Variants in SLK observed in about 807,000 individuals in gnomAD.
The protein encoded by SLK is STE20 like kinase.
In SLK, 67 loss-of-function variants were observed where a neutral mutation model predicts 147.7. That is an observed-to-expected ratio of 0.45 (90% CI 0.37 to 0.56). The LOEUF (loss-of-function observed/expected upper bound fraction) is 0.56. Among genes scored for constraint, SLK ranks in the 20% least tolerant of loss-of-function variants. SLK has a pLI of 0.00. For synonymous variants in SLK, 441 were observed against 475.0 expected (o/e 0.93, Z 0.93); for missense variants, 1,136 against 1,438.8 (o/e 0.79, Z 3.41).
At chr10:103,981,621 T>C (rs1843943389) in intron 1 of SLK, among the ~76,000 whole-genome samples, 8 of 152,090 alleles carry the variant, frequency 5.3e-5, no homozygotes, top group Admixed American at 5.2e-4. Flanking sequence ...TCTCATTGAC[T>C]GGTCTTGGAA....
intron 13 of SLK, among the ~76,000 whole-genome samples, chr10:104,015,042 GT>G (rs1844444925): frequency 6.6e-6 from 1 of 151,988 alleles, no homozygotes; most frequent in Admixed American, 6.6e-5. Context: ...TAGTGAATGT[GT>G]AATAACATTA....
chr10:103,985,038 G>A (rs1843994557), intron 1 of SLK, among the ~76,000 whole-genome samples: 1 of 152,114 alleles, frequency 6.6e-6, no homozygotes, highest in South Asian at 2.1e-4. Context: ...CTGAAAATAG[G>A]TGAGTACAGT....
At chr10:103,987,968 A>C (rs1223678012) in intron 1 of SLK, among the ~76,000 whole-genome samples, 1 of 152,208 alleles carries the variant, frequency 6.6e-6, no homozygotes, top group Non-Finnish European at 1.5e-5. Context: ...AAAAGCATAG[A>C]CATTTAATAT....
At chr10:104,008,893 A>G (rs1033699104) in intron 12 of SLK, among the ~76,000 whole-genome samples, 10 of 152,228 alleles carry the variant, frequency 6.6e-5, no homozygotes, top group African/African-American at 2.4e-4. Context: ...ACAAAAGCTG[A>G]ATAACCTGAA....
At chr10:103,987,571 A>G (rs1364859735) in intron 1 of SLK, among the ~76,000 whole-genome samples, 1 of 152,196 alleles carries the variant, frequency 6.6e-6, no homozygotes. Flanking sequence ...ACATTTATTT[A>G]TTGAAACATT....
chr10:104,025,481 G>A, intron 18 of SLK, 93 bp from the exon 19 acceptor site: 1 of 1,221,052 alleles, frequency 8.2e-7, no homozygotes, highest in Admixed American at 2.1e-5. Context: ...TACAAAGAAA[G>A]TGTTTTGGAC....
intron 18 of SLK, among the ~76,000 whole-genome samples, chr10:104,023,429 C>G (rs996588868): frequency 6.6e-6 from 1 of 152,210 alleles, no homozygotes; most frequent in Non-Finnish European, 1.5e-5. Context: ...TTAATTTTCT[C>G]ACTTACCATT....
chr10:103,992,697 G>C, intron 3 of SLK, 51 bp downstream of exon 3: 1 of 1,491,660 alleles, frequency 6.7e-7, no homozygotes, highest in East Asian at 2.3e-5. Flanking sequence ...TACTTGATAA[G>C]ATGAAAGAAT....
chr10:103,985,855 G>A (rs914570737), intron 1 of SLK, among the ~76,000 whole-genome samples: 1 of 152,188 alleles, frequency 6.6e-6, no homozygotes, highest in African/African-American at 2.4e-5. Flanking sequence ...ATATGAGGGT[G>A]TAATTTTTTT....
chr10:103,997,841 A>G (rs1042264843), intron 4 of SLK, among the ~76,000 whole-genome samples: 1 of 151,692 alleles, frequency 6.6e-6, no homozygotes, highest in African/African-American at 2.4e-5. Context: ...GTTTTGATCA[A>G]TTTTGGGGGC....
intron 4 of SLK, among the ~76,000 whole-genome samples, chr10:103,996,121 G>A (rs1444428826): frequency 6.6e-6 from 1 of 152,046 alleles, no homozygotes; most frequent in Non-Finnish European, 1.5e-5. Context: ...CCTCTGAAAG[G>A]GCTCTCTGAA....
intron 6 of SLK, 126 bp from the exon 7 acceptor site, chr10:103,999,741 G>A: frequency 2.0e-6 from 1 of 504,216 alleles, no homozygotes; most frequent in South Asian, 3.8e-5. Flanking sequence ...TCATTAACTA[G>A]TTATTTAAAT....
At chr10:103,999,734 TTAAC>T (rs924255563) in intron 6 of SLK, 129 bp from the exon 7 acceptor site, 11 of 506,694 alleles carry the variant, frequency 2.2e-5, no homozygotes, top group African/African-American at 7.9e-5. Context: ...AATAGTCTCA[TTAAC>T]TAGTTATTTA....
At chr10:103,983,557 G>A (rs1843973470) in intron 1 of SLK, among the ~76,000 whole-genome samples, 1 of 152,088 alleles carries the variant, frequency 6.6e-6, no homozygotes, top group African/African-American at 2.4e-5. Flanking sequence ...AAAAGTATAG[G>A]GCACTAGAGG....
intron 13 of SLK, among the ~76,000 whole-genome samples, chr10:104,011,809 C>T (rs574604605): frequency 6.6e-6 from 1 of 152,326 alleles, no homozygotes; most frequent in African/African-American, 2.4e-5. Flanking sequence ...ATCTGCCCGC[C>T]TCAGCCTCCC....
chr10:103,994,369 A>G (rs577856997), intron 4 of SLK, among the ~76,000 whole-genome samples: 1 of 152,132 alleles, frequency 6.6e-6, no homozygotes, highest in Middle Eastern at 3.4e-3. Flanking sequence ...CCTGACTTTT[A>G]TATTATTTCC....
chr10:103,990,301 G>A (rs540266381), intron 1 of SLK, among the ~76,000 whole-genome samples: 33 of 152,316 alleles, frequency 2.2e-4, no homozygotes, highest in Middle Eastern at 3.4e-3. Flanking sequence ...ATAGATGCAA[G>A]AGCAAACTGT....
chr10:103,993,780 T>TAGA (rs2134477026), intron 4 of SLK, among the ~76,000 whole-genome samples: 1 of 152,342 alleles, frequency 6.6e-6, no homozygotes, highest in South Asian at 2.1e-4. Flanking sequence ...AATTTGTATA[T>TAGA]TTTGGAAGGC....
chr10:104,008,044 T>C (rs895446041), intron 11 of SLK, 133 bp from the exon 12 acceptor site: 3 of 604,658 alleles, frequency 5.0e-6, no homozygotes, highest in African/African-American at 3.8e-5. Context: ...CATTTGACTT[T>C]TTCAGTATTG....
Sources: allele counts gnomAD v4.1 joint callset (sites outside exome capture counted in the v4.1 genomes callset), GRCh38; gene constraint gnomAD v4.1.1; transcripts MANE v1.5; gene names NCBI Gene and HGNC (gene_info 2026-07-23, HGNC 2026-07-21).